Variants in ADHFE1 observed in about 807,000 individuals in gnomAD.
ADHFE1 encodes alcohol dehydrogenase iron containing 1.
Under a neutral mutation model 54.8 loss-of-function variants are expected in ADHFE1, and 37 were observed. The ratio of observed to expected loss-of-function variants is 0.68; its 90% CI spans 0.52 to 0.89. The LOEUF is 0.89. Among genes scored for constraint, ADHFE1 ranks in the 40% least tolerant of loss-of-function variants. ADHFE1 has a pLI of 0.00. For synonymous variants in ADHFE1, 203 were observed against 229.3 expected, an observed-to-expected ratio of 0.89 and a Z score of 1.04; for missense variants, 601 against 591.2, an observed-to-expected ratio of 1.02 and a Z score of -0.17.
intron 6 of ADHFE1, among the ~76,000 whole-genome samples, chr8:66,446,439 TGCTTAA>T (rs1806026311): frequency 6.6e-6 from 1 of 152,226 alleles, no homozygotes; most frequent in Admixed American, 6.5e-5. Flanking sequence ...CAGCTGCAGC[TGCTTAA>T]GCTCTGGCCC....
chr8:66,454,712 T>C (rs1440456800), intron 10 of ADHFE1, among the ~76,000 whole-genome samples: 1 of 152,070 alleles, frequency 6.6e-6, no homozygotes, highest in African/African-American at 2.4e-5. Context: ...TTTTTCTTTT[T>C]CTTTTTTCTT....
chr8:66,432,778 A>C (rs1805270316), intron 1 of ADHFE1: 5 of 1,229,914 alleles, frequency 4.1e-6, no homozygotes, highest in African/African-American at 1.6e-5. Context: ...GGGCGCAGTG[A>C]GGCAGCCTTT....
In ADHFE1 at chr8:66,439,871, AC is replaced by A. The variant is rs1405313706; in HGVS notation, c.60-286del. 58 of 843,978 alleles carry A rather than the reference AC, an allele frequency of 6.9e-5. No homozygotes were observed. The East Asian group carries it at 2.4e-3, about 34-fold the overall frequency. The allele number at this position is 843,978 out of a possible 1,614,324, so 52.3% of individuals were successfully genotyped here. ...AGACCCCCATCTTAAACTTGCATGT[AC>A]CCCCAGAGCGTTTATCTCAGCTGCC... is the stretch of plus-strand genomic sequence containing the variant. On this transcript the variant is annotated intron_variant, in intron 1 of 13. Transcript: ENST00000396623. The surrounding 1 kb of genome is among the most constrained non-coding windows in gnomAD (Gnocchi z 4.4).
chr8:66,452,129 A>G (rs1238376607), intron 9 of ADHFE1, 24 bp downstream of exon 9: 11 of 1,611,926 alleles, frequency 6.8e-6, no homozygotes, highest in Non-Finnish European at 8.5e-6. Context: ...AAGGGGATAG[A>G]AATAGAACAG....
At chr8:66,466,711 T>C (rs977787722) in intron 13 of ADHFE1, among the ~76,000 whole-genome samples, 3 of 152,218 alleles carry the variant, frequency 2.0e-5, no homozygotes, top group African/African-American at 7.2e-5. Context: ...GATTAGTGTA[T>C]GAAGGAAAAC....
At chr8:66,450,028 C>T (rs1806220897) in intron 8 of ADHFE1, among the ~76,000 whole-genome samples, 1 of 152,178 alleles carries the variant, frequency 6.6e-6, no homozygotes, top group Non-Finnish European at 1.5e-5. Context: ...ACTGTCACAT[C>T]CTAGGTACTT....
At chr8:66,432,613 G>A in intron 1 of ADHFE1, 38 bp downstream of exon 1, 6 of 1,286,360 alleles carry the variant, frequency 4.7e-6, no homozygotes, top group Non-Finnish European at 5.9e-6. Context: ...GGGACCGCAG[G>A]GTGCCCACGC....
chr8:66,467,653 C>A (rs911931470), intron 13 of ADHFE1, among the ~76,000 whole-genome samples: 2 of 152,106 alleles, frequency 1.3e-5, no homozygotes, highest in East Asian at 1.9e-4. Context: ...TACATTTTAG[C>A]CCCTGTCCCC....
intron 7 of ADHFE1, among the ~76,000 whole-genome samples, chr8:66,448,471 C>T (rs1425655209): frequency 6.6e-6 from 1 of 152,186 alleles, no homozygotes; most frequent in Non-Finnish European, 1.5e-5. Context: ...TGCCCAAAGA[C>T]ACAAAGTAAG....
intron 8 of ADHFE1, among the ~76,000 whole-genome samples, chr8:66,450,472 C>A (rs540242895): frequency 3.9e-5 from 6 of 152,194 alleles, no homozygotes; most frequent in Non-Finnish European, 5.9e-5. Flanking sequence ...GTGGACAAGC[C>A]ATGTATTAAA....
At chr8:66,464,245 C>T (rs1437416692) in intron 13 of ADHFE1, among the ~76,000 whole-genome samples, 1 of 152,148 alleles carries the variant, frequency 6.6e-6, no homozygotes, top group Non-Finnish European at 1.5e-5. Context: ...TTTTTTATGG[C>T]AGAGCTGATA....
chr8:66,436,409 G>GA (rs142094928), intron 1 of ADHFE1, among the ~76,000 whole-genome samples: 23,531 of 152,146 alleles, frequency 0.15, 2,024 homozygotes, highest in Middle Eastern at 0.21. Flanking sequence ...ATGCAGAGGT[G>GA]AAGCATACCT....
Position 66,439,284 on chromosome 8 carries a change from C to T in ADHFE1, c.60-878C>T. On this transcript the variant is annotated intron_variant, in intron 1 of 13. Transcript: ENST00000396623. The surrounding 1 kb of genome is among the most constrained non-coding windows in gnomAD (Gnocchi z 4.4). ...GGAAGTGATGCACTCAAGTATCTAC[C>T]GAGACCCAACCACTGGACAAGGTCT... is the stretch of plus-strand genomic sequence containing the variant. 5.1e-6 allele frequency: 5 copies of T among 985,434 alleles called. No individual in the cohort carries two copies. Among genetic ancestry groups the T allele is most frequent in the Non-Finnish European group, 4.8e-6 (4 of 829,974 alleles). 61.0% of individuals were successfully genotyped at this position (985,434 alleles called of 1,614,324 possible).
chr8:66,433,424 C>G (rs911389922), intron 1 of ADHFE1, among the ~76,000 whole-genome samples: 3 of 152,160 alleles, frequency 2.0e-5, no homozygotes, highest in African/African-American at 7.2e-5. Flanking sequence ...ATAGCTAATA[C>G]GATGAGCCCG....
At position 66,457,337 on chromosome 8, in the gene ADHFE1, G is replaced by A. The variant is rs555634411; in HGVS notation, c.1162+171G>A. Among the ~76,000 whole-genome samples the A allele has an allele frequency of 1.5e-3, 218 of 149,388 alleles. 1 individual carries two copies. The highest frequency in any genetic ancestry group is 3.6e-3 in the South Asian group (17 of 4,688). On this transcript the variant is annotated intron_variant, in intron 12 of 13. Transcript: ENST00000396623. The stretch of plus-strand genomic sequence containing the variant: ...CTACCAAAAAAAAAAAAATAGCCGT[G>A]TACAGTAGTGCAAGACCATAGTCCC...
chr8:66,445,731 T>C (rs932970075), intron 6 of ADHFE1, among the ~76,000 whole-genome samples: 2 of 152,252 alleles, frequency 1.3e-5, no homozygotes, highest in Admixed American at 6.5e-5. Flanking sequence ...TAAACTGCTC[T>C]CTGTTTTGTC....
At chr8:66,457,469 C>T (rs12546504) in intron 12 of ADHFE1, among the ~76,000 whole-genome samples, 10,556 of 146,146 alleles carry the variant, frequency 0.072, 503 homozygotes, top group East Asian at 0.19. Context: ...CAGAGTGAGA[C>T]TCTCTCTCTC....
At position 66,468,398 on chromosome 8, in the gene ADHFE1, A is replaced by G. The variant is rs1305586042; in HGVS notation, c.*46A>G. The G allele has an allele frequency of 6.6e-7, 1 of 1,507,758 alleles. No homozygotes were observed. The highest frequency in any genetic ancestry group is 1.2e-5 in the South Asian group (1 of 85,306). 93.4% of individuals were successfully genotyped at this position (1,507,758 alleles called of 1,614,324 possible). A position where few individuals can be genotyped will look rare whatever the true frequency, so the allele number is the denominator to read the frequency against. On this transcript the variant is annotated 3_prime_UTR_variant, in exon 14 of 14. Coordinates refer to ENST00000396623, the MANE Select transcript of ADHFE1 (RefSeq NM_144650.3). ...ATTACCGCTGGCCATTGTAGTGCTG[A>G]GAGCAAGAGCTGATCTAGCTAGGGC...
chr8:66,457,684 T>C (rs1383699015), intron 12 of ADHFE1, among the ~76,000 whole-genome samples: 1 of 152,052 alleles, frequency 6.6e-6, no homozygotes, highest in Non-Finnish European at 1.5e-5. Context: ...AAAATATAAA[T>C]ATATGATTAA....
Sources: gnomAD v4.1 joint callset for allele counts (sites outside exome capture counted in the v4.1 genomes callset) on GRCh38, gnomAD v4.1.1 for gene constraint, Gnocchi (gnomAD v3.1) non-coding constraint, MANE v1.5 for transcripts, NCBI Gene and HGNC (gene_info 2026-07-23, HGNC 2026-07-21) for gene names.